Variants in SYT2 observed in about 807,000 individuals in gnomAD.
The protein encoded by SYT2 is synaptotagmin 2.
SYT2 carries 15 observed loss-of-function variants against 39.9 expected under a neutral mutation model. That is an observed-to-expected ratio of 0.38 (90% CI 0.25 to 0.58). The LOEUF (loss-of-function observed/expected upper bound fraction) is 0.58, where lower values mean the gene tolerates loss of function less well. Among genes scored for constraint, SYT2 ranks in the 20% least tolerant of loss-of-function variants. The probability of loss-of-function intolerance (pLI) is 0.70; values close to 1 mark genes in which losing one functional copy is unlikely to be tolerated. For missense variants in SYT2, 389 were observed against 530.3 expected, an observed-to-expected ratio of 0.73 and a Z score of 2.62; for synonymous variants, 181 against 204.5, an observed-to-expected ratio of 0.89 and a Z score of 0.98.
intron 1 of SYT2, among the ~76,000 whole-genome samples, chr1:202,676,246 C>A (rs923799919): frequency 6.6e-6 from 1 of 152,126 alleles, no homozygotes; most frequent in Non-Finnish European, 1.5e-5. Context: ...TTTATTGAAC[C>A]AGGTGCCCTC....
In SYT2 at chr1:202,630,360, G is replaced by A. The variant is rs184056781; in HGVS notation, c.-17-24571C>T. 5.2e-5 allele frequency: 51 copies of A among 985,030 alleles called. No homozygotes were observed. In the African/African-American group the frequency reaches 6.3e-4, roughly 12 times the overall value. The allele number at this position is 985,030 out of a possible 1,614,324, so 61.0% of individuals were successfully genotyped here. Reference sequence around the variant, plus strand: ...GGAACACAGACCCCAATAGAGCGCCGTGCATCCCATCGCCAACCGGCTTTC... The same window carrying A: ...GGAACACAGACCCCAATAGAGCGCCATGCATCCCATCGCCAACCGGCTTTC... On this transcript the variant is annotated intron_variant, in intron 1 of 8. Transcript: ENST00000367268.
chr1:202,603,218 C>G, intron 3 of SYT2, 100 bp from the exon 4 acceptor site: 1 of 1,482,508 alleles, frequency 6.7e-7, no homozygotes, highest in Non-Finnish European at 9.1e-7. Context: ...TGTGGTAGAC[C>G]CTGACTCAGA....
At chr1:202,607,211 G>A (rs1690737963) in intron 1 of SYT2, among the ~76,000 whole-genome samples, 1 of 152,148 alleles carries the variant, frequency 6.6e-6, no homozygotes, top group Admixed American at 6.5e-5. Context: ...CAGATCCTGT[G>A]TTGGCAACAG....
chr1:202,707,193 C>A (rs1231277739), intron 1 of SYT2, among the ~76,000 whole-genome samples: 1 of 152,134 alleles, frequency 6.6e-6, no homozygotes, highest in Admixed American at 6.5e-5. Flanking sequence ...ATGTGTAGGG[C>A]CTGCGGCTGT....
At chr1:202,685,627 T>C (rs1490643631) in intron 1 of SYT2, among the ~76,000 whole-genome samples, 2 of 152,058 alleles carry the variant, frequency 1.3e-5, no homozygotes, top group East Asian at 3.9e-4. Context: ...AAAAGAAAGT[T>C]TGAGGGAAAT....
chr1:202,654,967 G>T (rs1692254032), intron 1 of SYT2, among the ~76,000 whole-genome samples: 1 of 152,208 alleles, frequency 6.6e-6, no homozygotes, highest in African/African-American at 2.4e-5. Context: ...TGGGTTGGGG[G>T]AGAGGATAAA....
chr1:202,696,655 T>A (rs1242946241), intron 1 of SYT2, among the ~76,000 whole-genome samples: 1 of 152,126 alleles, frequency 6.6e-6, no homozygotes, highest in Non-Finnish European at 1.5e-5. Context: ...AGTGGGAGCC[T>A]AGGGAAGTGT....
chr1:202,622,015 A>C (rs1486888568), intron 1 of SYT2, among the ~76,000 whole-genome samples: 1 of 152,238 alleles, frequency 6.6e-6, no homozygotes, highest in African/African-American at 2.4e-5. Context: ...ACTTCTGTGG[A>C]TTATCCCACT....
rs1690086907 is a variant in SYT2, at chr1:202,590,929, CT to C, written c.*5827del. 6.6e-6 allele frequency: 1 copy of C among 152,216 alleles called. No homozygotes were observed. The highest frequency in any genetic ancestry group is 6.5e-5 in the Admixed American group (1 of 15,276). 9.4% of individuals were successfully genotyped at this position (152,216 alleles called of 1,614,324 possible). A position where few individuals can be genotyped will look rare whatever the true frequency, so the allele number is the denominator to read the frequency against. On this transcript the variant is annotated 3_prime_UTR_variant, in exon 9 of 9. Coordinates refer to ENST00000367268, the MANE Select transcript of SYT2 (RefSeq NM_177402.5). The stretch of plus-strand genomic sequence containing the variant: ...GGTCACTATCTTTGAAGAGGCCCCC[CT>C]AAAGTCCTGATCGCTAAGGCAGGTG...
intron 1 of SYT2, among the ~76,000 whole-genome samples, chr1:202,709,815 C>T (rs1471827179): frequency 6.6e-6 from 1 of 152,148 alleles, no homozygotes; most frequent in Admixed American, 6.5e-5. Flanking sequence ...TGCCAGGGGT[C>T]CCCGAAGCTT....
At chr1:202,656,519 A>C (rs1430045511) in intron 1 of SYT2, among the ~76,000 whole-genome samples, 1 of 152,204 alleles carries the variant, frequency 6.6e-6, no homozygotes, top group Admixed American at 6.5e-5. Context: ...CTGCTTCCCA[A>C]GCGGACAGCC....
In SYT2 at chr1:202,694,559, T is replaced by TAC. The variant is rs10563246; in HGVS notation, c.-18+15697_-18+15698dup. On this transcript the variant is annotated intron_variant, in intron 1 of 8. Coordinates refer to ENST00000367268, the MANE Select transcript of SYT2 (RefSeq NM_177402.5). ...AACTTAAGTCTCCTGAGGCTGAATT[T>TAC]ACACACACACACACACACACACAAA... Among the ~76,000 whole-genome samples the TAC allele has an allele frequency of 9.3e-3, 1,396 of 150,428 alleles. 22 individuals carry two copies. The highest frequency in any genetic ancestry group is 0.031 in the African/African-American group (1,253 of 41,012).
At position 202,628,966 on chromosome 1, in the gene SYT2, C is replaced by G. The variant is rs149951664; in HGVS notation, c.-17-23177G>C. ...TGCAAAATGGGAATGATAATGGAAG[C>G]TGCTGCGCAGGGCTGCGAGGCTTAG... On this transcript the variant is annotated intron_variant, in intron 1 of 8. Transcript: ENST00000367268. The surrounding 1 kb of genome is among the most constrained non-coding windows in gnomAD (Gnocchi z 4.2). Among the ~76,000 whole-genome samples, 536 of 152,288 alleles carry G rather than the reference C, an allele frequency of 3.5e-3. 3 individuals carry two copies. The highest frequency in any genetic ancestry group is 0.012 in the African/African-American group (501 of 41,560).
chr1:202,630,573 A>G (rs752772003), intron 1 of SYT2: 1 of 165,110 alleles, frequency 6.1e-6, no homozygotes, highest in Non-Finnish European at 1.3e-5. Context: ...CTGACAAACC[A>G]CAGACCATGA....
At chr1:202,703,510 G>T (rs1397318231) in intron 1 of SYT2, among the ~76,000 whole-genome samples, 1 of 152,096 alleles carries the variant, frequency 6.6e-6, no homozygotes, top group Non-Finnish European at 1.5e-5. Context: ...TTTCTCCACA[G>T]CTGAGCAGGA....
chr1:202,671,337 G>C (rs540268798), intron 1 of SYT2, among the ~76,000 whole-genome samples: 1 of 152,336 alleles, frequency 6.6e-6, no homozygotes, highest in African/African-American at 2.4e-5. Flanking sequence ...CCAGTCCCCA[G>C]CACAGCACCA....
rs1047700414 is a variant in SYT2, at chr1:202,628,056, C to T, written c.-17-22267G>A. ...AAGCACACTGGGAAGGTGGGTCTAA[C>T]GGGAAGATCACAAAGGCACCGGGCT... On this transcript the variant is annotated intron_variant, in intron 1 of 8. Coordinates refer to ENST00000367268, the MANE Select transcript of SYT2 (RefSeq NM_177402.5). This position sits in a 1 kb window ranked among gnomAD's most constrained non-coding sequence, Gnocchi z 4.2. Among the ~76,000 whole-genome samples the T allele has an allele frequency of 4.6e-5, 7 of 152,222 alleles. No individual in the cohort carries two copies. Among genetic ancestry groups the T allele is most frequent in the African/African-American group, 9.6e-5 (4 of 41,550 alleles).
At chr1:202,641,880 C>T (rs547715386) in intron 1 of SYT2, among the ~76,000 whole-genome samples, 6 of 152,286 alleles carry the variant, frequency 3.9e-5, no homozygotes, top group South Asian at 4.1e-4. Context: ...GCTGGAAAGC[C>T]GGCCTTTCTC....
intron 1 of SYT2, among the ~76,000 whole-genome samples, chr1:202,666,385 C>G (rs1692482731): frequency 6.6e-6 from 1 of 152,112 alleles, no homozygotes; most frequent in Admixed American, 6.5e-5. Context: ...GAAATCAGGA[C>G]AGACCAATAC....
Sources: gnomAD v4.1 joint callset for allele counts (sites outside exome capture counted in the v4.1 genomes callset) on GRCh38, gnomAD v4.1.1 for gene constraint, Gnocchi (gnomAD v3.1) non-coding constraint, MANE v1.5 for transcripts, NCBI Gene and HGNC (gene_info 2026-07-23, HGNC 2026-07-21) for gene names.